The following SLC25A16 variants were observed in gnomAD, a reference collection of about 807,000 sequenced individuals.
SLC25A16 encodes the protein mitochondrial coenzyme A transporter SLC25A16.
A neutral mutation model predicts 41.5 loss-of-function variants in SLC25A16; 39 were observed. The ratio of observed to expected loss-of-function variants is 0.94; its 90% CI spans 0.73 to 1.23. SLC25A16 has a LOEUF of 1.23. Among genes scored for constraint, SLC25A16 ranks in the 50% most tolerant of loss-of-function variants. The pLI is 0.00. For missense variants in SLC25A16, 421 were observed against 426.9 expected (o/e 0.99, Z 0.12); for synonymous variants, 146 against 147.8 (o/e 0.99, Z 0.09).
intron 4 of SLC25A16, among the ~76,000 whole-genome samples, chr10:68,496,954 G>C (rs1019932949): frequency 3.3e-5 from 5 of 152,132 alleles, no homozygotes; most frequent in African/African-American, 1.2e-4. Context: ...GGGATCACAG[G>C]TGTGCATCAC....
At chr10:68,489,079 G>C (rs1265823233) in intron 6 of SLC25A16, among the ~76,000 whole-genome samples, 1 of 152,158 alleles carries the variant, frequency 6.6e-6, no homozygotes, top group Non-Finnish European at 1.5e-5. Context: ...AGATCAGCCT[G>C]ACAAACATAG....
chr10:68,493,680 A>T, intron 4 of SLC25A16, 110 bp from the exon 5 acceptor site: 2 of 848,108 alleles, frequency 2.4e-6, no homozygotes, highest in East Asian at 2.7e-5. Flanking sequence ...AACCCAATAA[A>T]ATCAAAGGTG....
At position 68,496,804 on chromosome 10, in the gene SLC25A16, A is replaced by G. The variant is rs534863299; in HGVS notation, c.422-3234T>C. 129 of 626,972 alleles carry G rather than the reference A, an allele frequency of 2.1e-4. No individual in the cohort carries two copies. In the African/African-American group the frequency reaches 2.3e-3, roughly 11 times the overall value. 38.8% of individuals were successfully genotyped at this position (626,972 alleles called of 1,614,324 possible). A position where few individuals can be genotyped will look rare whatever the true frequency, so the allele number is the denominator to read the frequency against. On this transcript the variant is annotated intron_variant, in intron 4 of 8. Transcript: ENST00000609923. ...TTATTGTGTTCCAGAAATAAACACA[A>G]AAGACTTTTTTTCCTCTTTTTGTTG... is the stretch of plus-strand genomic sequence containing the variant.
At chr10:68,504,174 G>A (rs998069267) in intron 3 of SLC25A16, among the ~76,000 whole-genome samples, 1 of 151,122 alleles carries the variant, frequency 6.6e-6, no homozygotes, top group Non-Finnish European at 1.5e-5. Context: ...GTGCCATTAC[G>A]CCCGGCTAAT....
chr10:68,502,368 A>AT lies in SLC25A16; in HGVS notation c.421+1263dup, dbSNP rs201352038. Among the ~76,000 whole-genome samples the AT allele has an allele frequency of 5.7e-4, 87 of 152,184 alleles. 1 individual carries two copies. The East Asian group carries it at 0.013, about 22-fold the overall frequency. ...TCTATAGGGAAAAAAATCTTGGATG[A>AT]TTTTTTTTAAAAAATCATAGAACCG... On this transcript the variant is annotated intron_variant, in intron 4 of 8. Transcript: ENST00000609923.
rs568231636 is a variant in SLC25A16 at position 68,479,976 on chromosome 10, A to C, written c.*3456T>G. On this transcript the variant is annotated 3_prime_UTR_variant, in exon 9 of 9. Transcript: ENST00000609923. The stretch of plus-strand genomic sequence containing the variant: ...CAGTGAGCCGAGATTGCACCACTGC[A>C]CTCCAGCTTGGGTGACAGAGTTAAG... 6.6e-6 allele frequency: 1 copy of C among 151,374 alleles called. No individual in the cohort carries two copies. Among genetic ancestry groups the C allele is most frequent in the Non-Finnish European group, 1.5e-5 (1 of 67,954 alleles). The allele number at this position is 151,374 out of a possible 1,614,324, so 9.4% of individuals were successfully genotyped here.
At chr10:68,507,129 G>A (rs752521553) in intron 2 of SLC25A16, among the ~76,000 whole-genome samples, 27 of 141,416 alleles carry the variant, frequency 1.9e-4, no homozygotes, top group Non-Finnish European at 3.6e-4. Flanking sequence ...CTGGAGTGCA[G>A]TGGCGCGATC....
chr10:68,505,043 A>G (rs1412927168), intron 3 of SLC25A16, among the ~76,000 whole-genome samples: 1 of 152,200 alleles, frequency 6.6e-6, no homozygotes, highest in Non-Finnish European at 1.5e-5. Context: ...ACAATTGAGT[A>G]ACAAAAAGCA....
At chr10:68,489,512 T>G (rs1310629610) in intron 6 of SLC25A16, among the ~76,000 whole-genome samples, 1 of 152,146 alleles carries the variant, frequency 6.6e-6, no homozygotes, top group East Asian at 1.9e-4. Flanking sequence ...GGTTGTTTAT[T>G]AATAAAATTA....
chr10:68,488,407 G>T, intron 7 of SLC25A16, 60 bp downstream of exon 7: 1 of 1,195,814 alleles, frequency 8.4e-7, no homozygotes, highest in Non-Finnish European at 1.1e-6. Context: ...ATTAAACAAT[G>T]CTGAAAATCA....
At chr10:68,483,611 T>G (rs749938454) in intron 8 of SLC25A16, 23 bp from the exon 9 acceptor site, 1 of 1,569,052 alleles carries the variant, frequency 6.4e-7, no homozygotes, top group Non-Finnish European at 8.6e-7. Context: ...GATTAAATGA[T>G]GACCTCTATG....
chr10:68,512,194 G>A (rs867933334), intron 2 of SLC25A16, among the ~76,000 whole-genome samples: 2 of 152,122 alleles, frequency 1.3e-5, no homozygotes, highest in African/African-American at 4.8e-5. Context: ...GGCCAAGACA[G>A]GTGGGTCAGA....
intron 4 of SLC25A16, among the ~76,000 whole-genome samples, chr10:68,494,954 GGTAGGAAACAAGA>G (rs748393076): frequency 2.5e-4 from 38 of 151,594 alleles, no homozygotes; most frequent in Non-Finnish European, 4.3e-4. Flanking sequence ...ATAATGAATT[GGTAGGAAACAAGA>G]GTACCCAGAA....
chr10:68,486,205 T>G (rs2052557498), intron 8 of SLC25A16, among the ~76,000 whole-genome samples: 1 of 132,596 alleles, frequency 7.5e-6, no homozygotes. Flanking sequence ...GGGACAAGAG[T>G]GAGACTTTGT....
chr10:68,517,005 G>T, intron 1 of SLC25A16, 162 bp from the exon 2 acceptor site: 1 of 1,131,616 alleles, frequency 8.8e-7, no homozygotes, highest in Admixed American at 3.3e-5. Flanking sequence ...CCCATTTCCT[G>T]TAACTTAATA....
At chr10:68,495,781 C>CAAAA (rs60845242) in intron 4 of SLC25A16, among the ~76,000 whole-genome samples, 2,378 of 88,586 alleles carry the variant, frequency 0.027, 75 homozygotes, top group African/African-American at 0.041. Context: ...GACTATGTCT[C>CAAAA]AAAAAAAAAA....
At position 68,487,283 on chromosome 10, in the gene SLC25A16, C is replaced by A. The variant is rs999265667; in HGVS notation, c.774-71G>T. The A allele has an allele frequency of 2.9e-5, 31 of 1,085,148 alleles. No individual in the cohort carries two copies. In the East Asian group the frequency reaches 7.1e-4, roughly 25 times the overall value. The allele number at this position is 1,085,148 out of a possible 1,614,324, so 67.2% of individuals were successfully genotyped here. On this transcript the variant is annotated intron_variant, in intron 7 of 8. Coordinates refer to ENST00000609923, the MANE Select transcript of SLC25A16 (RefSeq NM_152707.4). The stretch of plus-strand genomic sequence containing the variant: ...TACTCAACAACTATTGAATACAAAG[C>A]CCTATAAATTCAAAGAAATAACGTG...
rs2052477756 is a variant in SLC25A16, at chr10:68,480,931, T to G, written c.*2501A>C. The G allele has an allele frequency of 7.0e-6, 1 of 143,186 alleles. No individual in the cohort carries two copies. Among genetic ancestry groups the G allele is most frequent in the Non-Finnish European group, 1.5e-5 (1 of 66,136 alleles). 8.9% of individuals were successfully genotyped at this position (143,186 alleles called of 1,614,324 possible). A position where few individuals can be genotyped will look rare whatever the true frequency, so the allele number is the denominator to read the frequency against. ...TTTTTTTTTTCTTTTATACAGTCTC[T>G]GTATAAAAGAAATTTTTGTACAGCC... is the stretch of plus-strand genomic sequence containing the variant. On this transcript the variant is annotated 3_prime_UTR_variant, in exon 9 of 9. Coordinates refer to ENST00000609923, the MANE Select transcript of SLC25A16 (RefSeq NM_152707.4).
chr10:68,496,124 C>T (rs980512202), intron 4 of SLC25A16, among the ~76,000 whole-genome samples: 37 of 152,178 alleles, frequency 2.4e-4, no homozygotes, highest in Admixed American at 2.3e-3. Flanking sequence ...TTCTTGCATC[C>T]CCTTGCCCCC....
Sources: allele counts gnomAD v4.1 joint callset (sites outside exome capture counted in the v4.1 genomes callset), GRCh38; gene constraint gnomAD v4.1.1; transcripts MANE v1.5; gene names NCBI Gene and HGNC (gene_info 2026-07-23, HGNC 2026-07-21).